VWC2L: variants seen among roughly 807,000 people sequenced by gnomAD.
VWC2L encodes von Willebrand factor C domain containing 2 like.
In VWC2L, 10 loss-of-function variants were observed where a neutral mutation model predicts 21.6. The ratio of observed to expected loss-of-function variants is 0.46; its 90% CI spans 0.29 to 0.78. The LOEUF is 0.78. Among genes scored for constraint, VWC2L ranks in the 30% least tolerant of loss-of-function variants. VWC2L has a pLI of 0.10. For synonymous variants in VWC2L, 96 were observed against 94.3 expected, an observed-to-expected ratio of 1.02 and a Z score of -0.10; for missense variants, 209 against 277.1, an observed-to-expected ratio of 0.75 and a Z score of 1.74.
intron 3 of VWC2L, among the ~76,000 whole-genome samples, chr2:214,463,463 A>G (rs1338940504): frequency 6.6e-6 from 1 of 152,066 alleles, no homozygotes; most frequent in African/African-American, 2.4e-5. Context: ...GTATTTCTAT[A>G]AAGTCCTTTT....
intron 3 of VWC2L, among the ~76,000 whole-genome samples, chr2:214,547,817 A>T (rs1049833174): frequency 2.0e-5 from 3 of 152,182 alleles, no homozygotes; most frequent in African/African-American, 7.2e-5. Context: ...GACTTTATCA[A>T]TTCTTAGCTT....
chr2:214,519,636 G>T (rs573879101), intron 3 of VWC2L, among the ~76,000 whole-genome samples: 1 of 152,298 alleles, frequency 6.6e-6, no homozygotes, highest in South Asian at 2.1e-4. Context: ...GTCTTTCTCA[G>T]AGTATTAGTA....
chr2:214,464,763 T>C (rs950562128), intron 3 of VWC2L, among the ~76,000 whole-genome samples: 3 of 152,118 alleles, frequency 2.0e-5, no homozygotes, highest in African/African-American at 7.2e-5. Flanking sequence ...GGTCCCAGAA[T>C]GTCCAGGAGG....
chr2:214,489,911 G>A (rs377069372), intron 3 of VWC2L, among the ~76,000 whole-genome samples: 43 of 152,284 alleles, frequency 2.8e-4, no homozygotes, highest in East Asian at 5.8e-4. Flanking sequence ...AAGAAAGCAC[G>A]CTTACCCTAA....
chr2:214,563,899 T>A (rs910093704), intron 3 of VWC2L, among the ~76,000 whole-genome samples: 1 of 152,128 alleles, frequency 6.6e-6, no homozygotes, highest in Non-Finnish European at 1.5e-5. Context: ...GAAGTCAAAT[T>A]GTCTTTGTTC....
At chr2:214,450,195 G>A (rs1242682013) in intron 3 of VWC2L, among the ~76,000 whole-genome samples, 1 of 152,168 alleles carries the variant, frequency 6.6e-6, no homozygotes, top group Non-Finnish European at 1.5e-5. Context: ...GCAGTGAAGA[G>A]GAAAGCACGT....
intron 3 of VWC2L, among the ~76,000 whole-genome samples, chr2:214,570,099 C>T (rs1212985472): frequency 6.6e-6 from 1 of 151,902 alleles, no homozygotes; most frequent in Admixed American, 6.6e-5. Flanking sequence ...AATGCTTTTT[C>T]TCTGATTACT....
chr2:214,519,609 A>G (rs1689200027), intron 3 of VWC2L, among the ~76,000 whole-genome samples: 2 of 152,222 alleles, frequency 1.3e-5, no homozygotes, highest in South Asian at 2.1e-4. Context: ...TGTGATGGTT[A>G]AATTCTCTCT....
intron 3 of VWC2L, among the ~76,000 whole-genome samples, chr2:214,474,550 A>G (rs1688477624): frequency 6.6e-6 from 1 of 152,206 alleles, no homozygotes; most frequent in South Asian, 2.1e-4. Context: ...CTATTATTGC[A>G]TAAGTACGCC....
intron 3 of VWC2L, among the ~76,000 whole-genome samples, chr2:214,540,169 T>G (rs1172016438): frequency 6.6e-6 from 1 of 152,176 alleles, no homozygotes; most frequent in Non-Finnish European, 1.5e-5. Flanking sequence ...ATAAGCCCTT[T>G]GCACTGGAAA....
chr2:214,505,157 C>T (rs1688950565), intron 3 of VWC2L, among the ~76,000 whole-genome samples: 2 of 152,206 alleles, frequency 1.3e-5, no homozygotes, highest in South Asian at 4.1e-4. Flanking sequence ...TAGCCCCGGC[C>T]ATATGCACAG....
intron 3 of VWC2L, among the ~76,000 whole-genome samples, chr2:214,500,690 C>T (rs1413088957): frequency 6.6e-6 from 1 of 152,186 alleles, no homozygotes; most frequent in Non-Finnish European, 1.5e-5. Flanking sequence ...GTATTTTTAC[C>T]TGTATACATT....
chr2:214,522,841 A>T (rs1246789593), intron 3 of VWC2L, among the ~76,000 whole-genome samples: 1 of 152,156 alleles, frequency 6.6e-6, no homozygotes, highest in Non-Finnish European at 1.5e-5. Flanking sequence ...TTAAATCTTG[A>T]TATGTTAAAT....
At chr2:214,447,857 T>C (rs909666218) in intron 3 of VWC2L, among the ~76,000 whole-genome samples, 1 of 152,054 alleles carries the variant, frequency 6.6e-6, no homozygotes, top group Non-Finnish European at 1.5e-5. Context: ...TGGGTGGTCC[T>C]GAAAAGATCC....
chr2:214,561,554 T>G (rs1018086145), intron 3 of VWC2L, among the ~76,000 whole-genome samples: 1 of 152,092 alleles, frequency 6.6e-6, no homozygotes, highest in Admixed American at 6.5e-5. Context: ...GATGGGCCAA[T>G]TGCTCGAATC....
At chr2:214,480,932 G>A (rs1235624376) in intron 3 of VWC2L, among the ~76,000 whole-genome samples, 1 of 149,358 alleles carries the variant, frequency 6.7e-6, no homozygotes, top group Non-Finnish European at 1.5e-5. Context: ...GGATTTTGGA[G>A]GACAACTAGT....
At chr2:214,460,844 T>C (rs893839232) in intron 3 of VWC2L, among the ~76,000 whole-genome samples, 11 of 152,236 alleles carry the variant, frequency 7.2e-5, no homozygotes, top group African/African-American at 2.7e-4. Flanking sequence ...ATGTTTTTTA[T>C]GTCCTTAGGT....
chr2:214,551,160 G>A (rs1689788316), intron 3 of VWC2L, among the ~76,000 whole-genome samples: 1 of 152,178 alleles, frequency 6.6e-6, no homozygotes, highest in Admixed American at 6.5e-5. Context: ...AGTGCTTTGA[G>A]GTTCGAAGGT....
At chr2:214,470,212 CTT>C (rs35595784) in intron 3 of VWC2L, among the ~76,000 whole-genome samples, 7 of 143,404 alleles carry the variant, frequency 4.9e-5, no homozygotes, top group African/African-American at 1.5e-4. Context: ...TTGATAAATG[CTT>C]TTTTTTTTTG....
Sources: allele counts gnomAD v4.1 joint callset (sites outside exome capture counted in the v4.1 genomes callset), GRCh38; gene constraint gnomAD v4.1.1; transcripts MANE v1.5; gene names NCBI Gene and HGNC (gene_info 2026-07-23, HGNC 2026-07-21).